MRPL39: variants seen among roughly 807,000 people sequenced by gnomAD.
MRPL39 encodes large ribosomal subunit protein mL39.
A neutral mutation model predicts 44.5 loss-of-function variants in MRPL39; 35 were observed. That is an observed-to-expected ratio of 0.79 (90% confidence interval 0.60 to 1.04). The LOEUF (loss-of-function observed/expected upper bound fraction) is 1.04, where lower values mean the gene tolerates loss of function less well. MRPL39 is among the 50% of genes least tolerant of loss of function. MRPL39 has a pLI of 0.00. For synonymous variants in MRPL39, 139 were observed against 136.1 expected, an observed-to-expected ratio of 1.02 and a Z score of -0.15; for missense variants, 433 against 413.5, an observed-to-expected ratio of 1.05 and a Z score of -0.41.
In MRPL39 at chr21:25,592,949, C is replaced by T; in HGVS notation, c.784G>A (p.Asp262Asn). Residue 262 changes from aspartate to asparagine, a missense_variant, in exon 8 of 10, where the codon GAT becomes AAT. By Grantham distance (23) the Asp-to-Asn change is conservative. Coordinates refer to ENST00000352957, the MANE Select transcript of MRPL39 (RefSeq NM_017446.4). ...VKLHRIGDFI[D>N]VSEGPLIPRT... is the part of the protein sequence containing the mutation. ...GGAATAAGAGGGCCCTCACTCACAT[C>T]AATGAAGTCACCTATTCTGATTGAT... 1 of 1,611,458 alleles carries T rather than the reference C, an allele frequency of 6.2e-7. No homozygotes were observed.
intron 5 of MRPL39, among the ~76,000 whole-genome samples, chr21:25,597,838 T>C (rs969147161): frequency 6.6e-6 from 1 of 152,170 alleles, no homozygotes; most frequent in East Asian, 1.9e-4. Context: ...AAATTATTGT[T>C]TTCTTAATTA....
rs563087022 is a variant in MRPL39, at chr21:25,593,910, T to A, written c.750A>T (p.Arg250Ser). ...IEEKASQNPERIVKLHRIGDF... is the reference protein window; with the variant it reads ...IEEKASQNPESIVKLHRIGDF... ...TTACTTACCTGTGTAGCTTGACTAT[T>A]CTCTCAGGGTTCTGAGATGCCTTCT... The change falls in exon 7 of 10, where the codon AGA becomes AGT. Residue 250 changes from arginine to serine, a missense_variant. By Grantham distance (110) the Arg-to-Ser change is moderately radical. Coordinates refer to ENST00000352957, the MANE Select transcript of MRPL39 (RefSeq NM_017446.4). 3.1e-6 allele frequency: 5 copies of A among 1,613,706 alleles called. No individual in the cohort carries two copies. In the African/African-American group the frequency reaches 5.3e-5, roughly 17 times the overall value.
At chr21:25,589,084 T>C (rs965804171) in intron 8 of MRPL39, among the ~76,000 whole-genome samples, 5 of 152,196 alleles carry the variant, frequency 3.3e-5, no homozygotes, top group Non-Finnish European at 7.3e-5. Context: ...TTCAATCGCA[T>C]GAACCCGGGA....
At chr21:25,595,299 A>G (rs573311308) in intron 6 of MRPL39, among the ~76,000 whole-genome samples, 2 of 151,934 alleles carry the variant, frequency 1.3e-5, no homozygotes, top group African/African-American at 4.8e-5. Flanking sequence ...CTCCTGACCC[A>G]CCTCCAAGAG....
At chr21:25,600,456 C>T (rs2031489141) in intron 4 of MRPL39, among the ~76,000 whole-genome samples, 3 of 141,908 alleles carry the variant, frequency 2.1e-5, no homozygotes, top group Admixed American at 2.1e-4. Flanking sequence ...AGATAAATAA[C>T]TTAATGGATA....
chr21:25,598,180 G>A (rs2031416005), intron 5 of MRPL39, among the ~76,000 whole-genome samples: 1 of 152,042 alleles, frequency 6.6e-6, no homozygotes. Context: ...CAACATTCAT[G>A]GTTTAATACA....
rs1273737264 is a variant in MRPL39, at chr21:25,601,426, T to C, written c.462A>G (p.Ile154Met). The change falls in exon 4 of 10, where the codon ATA (isoleucine) becomes ATG (methionine). Residue 154 changes from isoleucine to methionine, a missense_variant. Coordinates refer to ENST00000352957, the MANE Select transcript of MRPL39 (RefSeq NM_017446.4). The stretch of plus-strand genomic sequence containing the variant: ...TATATTCATCTTTGAATGCCCTCTC[T>C]ATCACACAGCCCATCATCATAGCAC... ...RSCAMMMGCVIERAFKDEYMV... is the reference protein window; with the variant it reads ...RSCAMMMGCVMERAFKDEYMV... 1 of 1,610,376 alleles carries C rather than the reference T, an allele frequency of 6.2e-7. No individual in the cohort carries two copies. The highest frequency in any genetic ancestry group is 8.5e-7 in the Non-Finnish European group (1 of 1,177,874).
At chr21:25,596,254 A>G (rs1405321265) in intron 6 of MRPL39, among the ~76,000 whole-genome samples, 2 of 152,152 alleles carry the variant, frequency 1.3e-5, no homozygotes, top group East Asian at 3.9e-4. Context: ...GCCCGCCACC[A>G]CGCCCAGCTA....
At position 25,603,787 on chromosome 21, in the gene MRPL39, T is replaced by A. The variant is rs769327598; in HGVS notation, c.420+9A>T. 6.3e-7 allele frequency: 1 copy of A among 1,595,698 alleles called. No homozygotes were observed. The highest frequency in any genetic ancestry group is 1.4e-5 in the African/African-American group (1 of 73,566). ...GGGAAATAGAAAAAGAATGTAGAGA[T>A]AGAAATACCTTATTCACTTCTCCTG... On this transcript the variant is annotated intron_variant, in intron 3 of 9. Coordinates refer to ENST00000352957, the MANE Select transcript of MRPL39 (RefSeq NM_017446.4).
intron 4 of MRPL39, among the ~76,000 whole-genome samples, chr21:25,600,182 G>A (rs1407851092): frequency 6.6e-6 from 1 of 152,028 alleles, no homozygotes; most frequent in Admixed American, 6.6e-5. Context: ...GATCACCTGA[G>A]GTCAAGAATT....
At chr21:25,606,402 C>T (rs371010242) in intron 2 of MRPL39, 47 bp downstream of exon 2, 3 of 1,476,734 alleles carry the variant, frequency 2.0e-6, no homozygotes, top group East Asian at 4.6e-5. Flanking sequence ...TGCTTCCACA[C>T]AGCTTAAGTA....
chr21:25,598,452 A>AGAG (rs111718012), intron 5 of MRPL39, among the ~76,000 whole-genome samples: 11,364 of 146,342 alleles, frequency 0.078, 608 homozygotes, highest in Non-Finnish European at 0.12. Context: ...AAAAAAAAAA[A>AGAG]AGAGAGAGAA....
intron 8 of MRPL39, among the ~76,000 whole-genome samples, chr21:25,589,893 A>C (rs2031118121): frequency 1.3e-5 from 2 of 152,232 alleles, no homozygotes; most frequent in South Asian, 4.1e-4. Context: ...TGAGTGAGGA[A>C]AGGAGTGGTG....
intron 6 of MRPL39, among the ~76,000 whole-genome samples, chr21:25,596,341 G>A (rs2031359125): frequency 6.6e-6 from 1 of 152,154 alleles, no homozygotes; most frequent in Non-Finnish European, 1.5e-5. Context: ...CTCGTGATCT[G>A]CCCGCCTCGG....
At chr21:25,593,228 C>T (rs921211256) in intron 7 of MRPL39, among the ~76,000 whole-genome samples, 2 of 152,194 alleles carry the variant, frequency 1.3e-5, no homozygotes, top group African/African-American at 2.4e-5. Context: ...ACACATCATG[C>T]TATCAAGCTG....
chr21:25,598,871 AAAAC>A (rs74264997), intron 5 of MRPL39, among the ~76,000 whole-genome samples: 4 of 152,088 alleles, frequency 2.6e-5, no homozygotes, highest in African/African-American at 9.6e-5. Flanking sequence ...AAAAAAAAAA[AAAAC>A]ACTACAAATT....
At position 25,588,822 on chromosome 21, in the gene MRPL39, C is replaced by A; in HGVS notation, c.969+13G>T. On this transcript the variant is annotated intron_variant, in intron 9 of 9. Coordinates refer to ENST00000352957, the MANE Select transcript of MRPL39 (RefSeq NM_017446.4). ...TTATAGAAGAGTACTCAATAGCTGT[C>A]AAAAACACTTACCATTTTCCGAGAT... The A allele has an allele frequency of 1.9e-6, 3 of 1,609,120 alleles. No individual in the cohort carries two copies. The South Asian group carries it at 3.3e-5, about 18-fold the overall frequency.
chr21:25,585,926 T>C (rs563633452), intron 9 of MRPL39, among the ~76,000 whole-genome samples, 172 bp from the exon 10 acceptor site: 61 of 152,226 alleles, frequency 4.0e-4, no homozygotes, highest in African/African-American at 1.4e-3. Flanking sequence ...GTAACCAATA[T>C]AAATTATCAG....
intron 6 of MRPL39, 31 bp from the exon 7 acceptor site, chr21:25,593,989 T>TAA (rs1242890471): frequency 8.8e-6 from 14 of 1,588,508 alleles, no homozygotes; most frequent in African/African-American, 1.3e-5. Context: ...AAACATTTTT[T>TAA]TAACTCAAAA....
Sources: allele counts gnomAD v4.1 joint callset (sites outside exome capture counted in the v4.1 genomes callset), GRCh38; gene constraint gnomAD v4.1.1; transcripts MANE v1.5; gene names NCBI Gene and HGNC (gene_info 2026-07-23, HGNC 2026-07-21).